Variants in STRAP observed in about 807,000 individuals in gnomAD.
STRAP encodes the protein serine-threonine kinase receptor-associated protein.
Under a neutral mutation model 47.0 loss-of-function variants are expected in STRAP, and 16 were observed. The observed-to-expected ratio is 0.34, with a 90% confidence interval of 0.23 to 0.52. The LOEUF is 0.52. Ranked by LOEUF, STRAP falls within the 20% of genes least tolerant of loss-of-function variation. The pLI is 0.96. For synonymous variants in STRAP, 130 were observed against 142.7 expected, an observed-to-expected ratio of 0.91 and a Z score of 0.63; for missense variants, 293 against 420.0, an observed-to-expected ratio of 0.70 and a Z score of 2.64.
intron 2 of STRAP, among the ~76,000 whole-genome samples, chr12:15,888,820 T>C (rs1947992524): frequency 1.3e-5 from 2 of 152,160 alleles, no homozygotes; most frequent in East Asian, 3.9e-4. Context: ...GGCAAGAACC[T>C]ACTGTGGGGT....
chr12:15,882,779 C>T lies in STRAP; in HGVS notation c.72C>T (p.Gly24=), dbSNP rs754280441. The change falls in exon 1 of 10, where the codon GGC becomes GGT. Residue 24 remains glycine (G), a synonymous_variant. Transcript: ENST00000419869. ...CCGTGGTTGATTTGGCCTTCAGTGG[C>T]ATCACGCCTTATGGGTATTTCTTAA... is the stretch of plus-strand genomic sequence containing the variant. ...TRPVVDLAFS[G]ITPYGYFLIS... 1.9e-6 allele frequency: 3 copies of T among 1,613,774 alleles called. No individual in the cohort carries two copies. The highest frequency in any genetic ancestry group is 1.7e-5 in the Admixed American group (1 of 60,002).
intron 6 of STRAP, among the ~76,000 whole-genome samples, chr12:15,895,862 G>GAAAAA (rs778939065): frequency 3.2e-5 from 2 of 61,694 alleles, no homozygotes; most frequent in Non-Finnish European, 3.3e-5. Flanking sequence ...AACCTCCTCT[G>GAAAAA]AAAAAAAAAA....
At position 15,895,363 on chromosome 12, in the gene STRAP, T is replaced by C. The variant is rs1257134211; in HGVS notation, c.505T>C (p.Trp169Arg). ...ATTTTTATCTTTATTTTGCAGACTT[T>C]GGGATCATGCTACTATGACAGAAGT... ...LSADDKTVRL[W>R]DHATMTEVKS... Residue 169 changes from tryptophan to arginine, a missense_variant, in exon 6 of 10, where the codon TGG becomes CGG. Trp to Arg is a moderately radical substitution (Grantham distance 101). This residue lies in a region of STRAP where 152 missense variants were observed against 183.0 expected (regional missense o/e 0.83). Coordinates refer to ENST00000419869, the MANE Select transcript of STRAP (RefSeq NM_007178.4). The C allele has an allele frequency of 6.4e-7, 1 of 1,565,750 alleles. No homozygotes were observed. The highest frequency in any genetic ancestry group is 2.3e-5 in the East Asian group (1 of 43,176).
intron 4 of STRAP, among the ~76,000 whole-genome samples, chr12:15,891,432 T>A (rs1948013919): frequency 6.6e-6 from 1 of 152,250 alleles, no homozygotes; most frequent in Non-Finnish European, 1.5e-5. Flanking sequence ...CTAAATAGTC[T>A]ATGAACTGTT....
intron 2 of STRAP, among the ~76,000 whole-genome samples, chr12:15,886,676 CT>C (rs1221220798): frequency 6.6e-6 from 1 of 152,066 alleles, no homozygotes; most frequent in Admixed American, 6.6e-5. Flanking sequence ...TGTGTGTATT[CT>C]CTCCAAGAAG....
At chr12:15,883,237 T>G in intron 1 of STRAP, 2 of 1,180,718 alleles carry the variant, frequency 1.7e-6, no homozygotes, top group Non-Finnish European at 2.4e-6. Context: ...AGCCTCATTT[T>G]TCAAATGGGA....
rs762567946 is a variant in STRAP, at chr12:15,900,942, T to A, written c.926-5T>A. On this transcript the variant is annotated splice_region_variant and splice_polypyrimidine_tract_variant and intron_variant, in intron 8 of 9. Coordinates refer to ENST00000419869, the MANE Select transcript of STRAP (RefSeq NM_007178.4). ...ATATAATCGTCATTGCTTTTCTTTTTACAGAAGAAGATAGTGGTGAGCTGG... is the reference window on the plus strand; with the variant it reads ...ATATAATCGTCATTGCTTTTCTTTTAACAGAAGAAGATAGTGGTGAGCTGG... The A allele has an allele frequency of 6.3e-7, 1 of 1,579,416 alleles. No individual in the cohort carries two copies. The highest frequency in any genetic ancestry group is 8.6e-7 in the Non-Finnish European group (1 of 1,165,174).
rs1215659240 is a variant in STRAP, at chr12:15,896,434, A to T, written c.638+938A>T. 1.3e-5 allele frequency among the ~76,000 whole-genome samples: 2 copies of T among 152,216 alleles called. No homozygotes were observed. The highest frequency in any genetic ancestry group is 2.9e-5 in the Non-Finnish European group (2 of 68,034). On this transcript the variant is annotated intron_variant, in intron 6 of 9. Coordinates refer to ENST00000419869, the MANE Select transcript of STRAP (RefSeq NM_007178.4). This position sits in a 1 kb window ranked among gnomAD's most constrained non-coding sequence, Gnocchi z 4.1. ...GACTGGAATATATAACATAATTGAA[A>T]AAAATGTACCCACAATATTATACCC...
Position 15,890,178 on chromosome 12 carries a change from T to C in STRAP, c.330+169T>C, listed in dbSNP as rs897115097. ...TGTGTATTAAGCTCTATGAATTTGT[T>C]TCATAGTTAATCCTGTCAAGCTTTT... On this transcript the variant is annotated intron_variant, in intron 3 of 9. Transcript: ENST00000419869. The surrounding 1 kb of genome is among the most constrained non-coding windows in gnomAD (Gnocchi z 4.5). Among the ~76,000 whole-genome samples, 1 of 152,226 alleles carries C rather than the reference T, an allele frequency of 6.6e-6. No individual in the cohort carries two copies. Among genetic ancestry groups the C allele is most frequent in the Non-Finnish European group, 1.5e-5 (1 of 68,040 alleles).
At chr12:15,898,080 C>A in intron 7 of STRAP, 62 bp downstream of exon 7, 1 of 1,426,830 alleles carries the variant, frequency 7.0e-7, no homozygotes, top group Non-Finnish European at 9.4e-7. Flanking sequence ...CAGTAATTAA[C>A]ACCTCATTTA....
At chr12:15,898,057 A>G (rs369184438) in intron 7 of STRAP, 39 bp downstream of exon 7, 98 of 1,567,054 alleles carry the variant, frequency 6.3e-5, no homozygotes, top group Non-Finnish European at 8.1e-5. Context: ...TACCTTTATC[A>G]TATGTTAAGT....
chr12:15,883,028 A>G (rs1391280842), intron 1 of STRAP: 4 of 1,527,400 alleles, frequency 2.6e-6, no homozygotes, highest in Middle Eastern at 1.7e-4. Flanking sequence ...TGTAGAAACT[A>G]TTACCTCCAA....
Position 15,903,187 on chromosome 12 carries a change from C to G in STRAP, c.*209C>G, listed in dbSNP as rs979941639. ...GTCAGATGAAGGGAGGTGGAGTTAT[C>G]CTCTTATAGTACAGTGGCCTGTTAT... On this transcript the variant is annotated 3_prime_UTR_variant, in exon 10 of 10. Coordinates refer to ENST00000419869, the MANE Select transcript of STRAP (RefSeq NM_007178.4). The G allele has an allele frequency of 2.3e-6, 1 of 436,742 alleles. No homozygotes were observed. The highest frequency in any genetic ancestry group is 4.0e-6 in the Non-Finnish European group (1 of 252,088). 27.1% of individuals were successfully genotyped at this position (436,742 alleles called of 1,614,324 possible). A position where few individuals can be genotyped will look rare whatever the true frequency, so the allele number is the denominator to read the frequency against.
intron 6 of STRAP, 55 bp from the exon 7 acceptor site, chr12:15,897,827 C>A: frequency 2.5e-6 from 3 of 1,205,648 alleles, no homozygotes; most frequent in Non-Finnish European, 2.2e-6. Context: ...TCAAATGTAA[C>A]TCGTTATTTA....
At position 15,882,485 on chromosome 12, in the gene STRAP, T is replaced by C. The variant is rs1167155510; in HGVS notation, c.-223T>C. The C allele has an allele frequency of 5.7e-6, 3 of 523,344 alleles. No individual in the cohort carries two copies. The highest frequency in any genetic ancestry group is 2.2e-5 in the South Asian group (1 of 45,142). The allele number at this position is 523,344 out of a possible 1,614,324, so 32.4% of individuals were successfully genotyped here. A position where few individuals can be genotyped will look rare whatever the true frequency, so the allele number is the denominator to read the frequency against. ...CCCCTACTTTCCTCCCTCCCTCCCT[T>C]TCCCTCCCTCGTCGACTGTTGCTTG... On this transcript the variant is annotated 5_prime_UTR_variant, in exon 1 of 10. Transcript: ENST00000419869.
chr12:15,902,467 C>A (rs1471257361), intron 9 of STRAP, among the ~76,000 whole-genome samples: 1 of 152,034 alleles, frequency 6.6e-6, no homozygotes, highest in Non-Finnish European at 1.5e-5. Context: ...TACCATTTAC[C>A]CAATAGAGTT....
At chr12:15,885,258 G>T (rs993184094) in intron 2 of STRAP, among the ~76,000 whole-genome samples, 11 of 146,330 alleles carry the variant, frequency 7.5e-5, no homozygotes, top group Non-Finnish European at 1.6e-4. Flanking sequence ...GCACAGTCTC[G>T]GCTCACTGCA....
intron 1 of STRAP, among the ~76,000 whole-genome samples, 176 bp from the exon 2 acceptor site, chr12:15,883,365 C>T (rs1182766077): frequency 6.6e-6 from 1 of 152,200 alleles, no homozygotes; most frequent in African/African-American, 2.4e-5. Flanking sequence ...ATCTGTTCAG[C>T]TCTTCAGTTA....
At chr12:15,900,776 A>T (rs990365267) in intron 8 of STRAP, 171 bp from the exon 9 acceptor site, 1 of 459,578 alleles carries the variant, frequency 2.2e-6, no homozygotes, top group African/African-American at 2.1e-5. Context: ...AGTAATTTTA[A>T]AGAAAGACAT....
Sources: allele counts gnomAD v4.1 joint callset (sites outside exome capture counted in the v4.1 genomes callset), GRCh38; gene constraint gnomAD v4.1.1; regional missense constraint gnomAD v4.1.1; non-coding constraint Gnocchi (gnomAD v3.1); transcripts MANE v1.5; gene names NCBI Gene and HGNC (gene_info 2026-07-23, HGNC 2026-07-21).